SYN2: variants seen among roughly 807,000 people sequenced by gnomAD.
SYN2 encodes synapsin II, also known as synapsin-2.
Under a neutral mutation model 50.9 loss-of-function variants are expected in SYN2, and 19 were observed. The observed-to-expected ratio is 0.37, with a 90% CI of 0.26 to 0.55. The LOEUF is 0.55. SYN2 is among the 20% of genes least tolerant of loss of function. The pLI is 0.81. For missense variants in SYN2, 587 were observed against 576.4 expected, an observed-to-expected ratio of 1.02 and a Z score of -0.19; for synonymous variants, 255 against 224.9, an observed-to-expected ratio of 1.13 and a Z score of -1.20.
intron 1 of SYN2, chr3:12,071,547 A>T: frequency 8.7e-6 from 3 of 346,280 alleles, no homozygotes; most frequent in Non-Finnish European, 1.1e-5. Context: ...GCTGATTTTG[A>T]CCTTGTATTC....
intron 1 of SYN2, among the ~76,000 whole-genome samples, chr3:12,133,531 A>ACTAAGCTC (rs1202333999): frequency 6.6e-6 from 1 of 152,238 alleles, no homozygotes; most frequent in Non-Finnish European, 1.5e-5. Flanking sequence ...CCAGCTAGCT[A>ACTAAGCTC]CTAAGCTCCT....
At chr3:12,187,331 A>G (rs1289966549) in intron 11 of SYN2, 38 bp from the exon 12 acceptor site, 6 of 1,486,616 alleles carry the variant, frequency 4.0e-6, no homozygotes, top group East Asian at 2.5e-5. Flanking sequence ...ACATTTTTAT[A>G]TGGTTAAATT....
chr3:12,056,491 G>C (rs1036808963), intron 1 of SYN2, among the ~76,000 whole-genome samples: 1 of 151,880 alleles, frequency 6.6e-6, no homozygotes, highest in South Asian at 2.1e-4. Context: ...AGAAAAAAAT[G>C]TTTTCTGTTG....
intron 1 of SYN2, among the ~76,000 whole-genome samples, chr3:12,087,863 A>G (rs957358227): frequency 6.6e-6 from 1 of 152,190 alleles, no homozygotes; most frequent in African/African-American, 2.4e-5. Flanking sequence ...GGTGTTGGGA[A>G]AACTGGATAT....
chr3:12,173,441 A>G (rs1302815309), intron 10 of SYN2, among the ~76,000 whole-genome samples: 1 of 152,164 alleles, frequency 6.6e-6, no homozygotes, highest in Non-Finnish European at 1.5e-5. Flanking sequence ...CTTGTGACCT[A>G]GATTCCATCT....
intron 1 of SYN2, among the ~76,000 whole-genome samples, chr3:12,122,900 A>G (rs181940643): frequency 2.6e-5 from 4 of 152,304 alleles, no homozygotes; most frequent in Admixed American, 1.3e-4. Flanking sequence ...AAGAAAGAAC[A>G]TGATACTATG....
chr3:12,180,531 G>A (rs1319867177), intron 10 of SYN2, among the ~76,000 whole-genome samples: 1 of 152,226 alleles, frequency 6.6e-6, no homozygotes, highest in Non-Finnish European at 1.5e-5. Context: ...ACAGGGAATA[G>A]GCCCGGAGCC....
At chr3:12,118,590 C>G (rs1267545116) in intron 1 of SYN2, among the ~76,000 whole-genome samples, 1 of 152,124 alleles carries the variant, frequency 6.6e-6, no homozygotes, top group Non-Finnish European at 1.5e-5. Context: ...CCTTCATAGA[C>G]TTTGTCTGCC....
chr3:12,126,440 A>G (rs1696673882), intron 1 of SYN2, among the ~76,000 whole-genome samples: 1 of 152,246 alleles, frequency 6.6e-6, no homozygotes. Flanking sequence ...CCCTTTCCAC[A>G]TCACATATTG....
chr3:12,121,714 AAGGG>A (rs1441359676), intron 1 of SYN2, among the ~76,000 whole-genome samples: 1 of 149,140 alleles, frequency 6.7e-6, no homozygotes, highest in Non-Finnish European at 1.5e-5. Context: ...AGGAGGGAGG[AAGGG>A]AGGGAGGAAG....
intron 12 of SYN2, among the ~76,000 whole-genome samples, chr3:12,189,737 G>T (rs1266696290): frequency 6.6e-6 from 1 of 152,124 alleles, no homozygotes; most frequent in African/African-American, 2.4e-5. Flanking sequence ...GGGAGGCGGA[G>T]GTTGCAGTGA....
At chr3:12,138,575 T>G (rs1337405397) in intron 1 of SYN2, among the ~76,000 whole-genome samples, 1 of 152,376 alleles carries the variant, frequency 6.6e-6, no homozygotes, top group East Asian at 1.9e-4. Context: ...TTGGGCATGT[T>G]ATTTAATTGT....
In SYN2 at chr3:12,156,665, A is replaced by C. The variant is rs138388844; in HGVS notation, c.775-4881A>C. 5.4e-4 allele frequency among the ~76,000 whole-genome samples: 82 copies of C among 152,332 alleles called. No individual in the cohort carries two copies. In the East Asian group the frequency reaches 0.013, roughly 25 times the overall value. ...GAGGTTACAAGGCTCCTCCTAACCC[A>C]GAGGTTGTCTGTCACTAACACAGCT... On this transcript the variant is annotated intron_variant, in intron 5 of 12. Transcript: ENST00000621198.
chr3:12,101,382 G>A (rs867839958), intron 1 of SYN2, among the ~76,000 whole-genome samples: 4 of 152,076 alleles, frequency 2.6e-5, no homozygotes, highest in Admixed American at 6.5e-5. Flanking sequence ...GAGAACCCGG[G>A]CACAAAAGAC....
intron 4 of SYN2, 94 bp downstream of exon 4, chr3:12,145,929 A>G: frequency 1.3e-6 from 2 of 1,540,654 alleles, no homozygotes; most frequent in Non-Finnish European, 1.8e-6. Context: ...AGTAGGCCCC[A>G]GCCCCAGGAG....
chr3:12,054,776 T>C (rs1694952020), intron 1 of SYN2, among the ~76,000 whole-genome samples: 1 of 152,042 alleles, frequency 6.6e-6, no homozygotes, highest in South Asian at 2.1e-4. Flanking sequence ...GGAACATCTT[T>C]TCCAGGAGTT....
chr3:12,157,551 T>C, intron 5 of SYN2: 2 of 1,483,040 alleles, frequency 1.3e-6, no homozygotes, highest in South Asian at 2.3e-5. Context: ...GTCTGGATGA[T>C]CCAGGGTCCA....
intron 1 of SYN2, among the ~76,000 whole-genome samples, chr3:12,089,358 T>C (rs1055587152): frequency 6.6e-6 from 1 of 152,170 alleles, no homozygotes; most frequent in Non-Finnish European, 1.5e-5. Context: ...TTCACTATCA[T>C]GAGAATAGCA....
At chr3:12,101,626 T>C (rs1696077899) in intron 1 of SYN2, among the ~76,000 whole-genome samples, 2 of 152,152 alleles carry the variant, frequency 1.3e-5, no homozygotes, top group Non-Finnish European at 2.9e-5. Flanking sequence ...GTTAATTTTA[T>C]AGTATGTGAA....
Sources: allele counts gnomAD v4.1 joint callset (sites outside exome capture counted in the v4.1 genomes callset), GRCh38; gene constraint gnomAD v4.1.1; transcripts MANE v1.5; gene names NCBI Gene and HGNC (gene_info 2026-07-23, HGNC 2026-07-21).